CHD1L: variants seen among roughly 807,000 people sequenced by gnomAD.
CHD1L encodes ATP-dependent chromatin remodeler CHD1L.
Under a neutral mutation model 115.9 loss-of-function variants are expected in CHD1L, and 118 were observed. That is an observed-to-expected ratio of 1.02 (90% confidence interval 0.88 to 1.19). CHD1L has a LOEUF of 1.19. Ranked by LOEUF, CHD1L falls within the 50% of genes most tolerant of loss-of-function variation. The pLI, the probability that CHD1L is intolerant of heterozygous loss-of-function variation, is 0.00. For synonymous variants in CHD1L, 411 were observed against 387.1 expected, an observed-to-expected ratio of 1.06 and a Z score of -0.72; for missense variants, 1,179 against 1,065.3, an observed-to-expected ratio of 1.11 and a Z score of -1.49.
At chr1:147,224,771 A>G in the CHD1L span, 1 of 850,726 alleles carries the variant, frequency 1.2e-6, no homozygotes, top group Non-Finnish European at 1.9e-6. Flanking sequence ...CGGCCTCCCA[A>G]AGTGCTAGGA....
At chr1:147,293,309 T>TC (rs1686280874) in intron 20 of CHD1L, among the ~76,000 whole-genome samples, 1 of 93,140 alleles carries the variant, frequency 1.1e-5, no homozygotes, top group Non-Finnish European at 2.4e-5. Context: ...AGAAAAATTC[T>TC]CTTTTTTTTT....
intron 12 of CHD1L, among the ~76,000 whole-genome samples, chr1:147,272,718 A>T (rs587768953): frequency 3.3e-5 from 5 of 152,328 alleles, no homozygotes; most frequent in African/African-American, 1.2e-4. Context: ...TTGTTAAAAA[A>T]TGTGATTATG....
the CHD1L span, among the ~76,000 whole-genome samples, chr1:147,232,500 C>A: frequency 6.6e-6 from 1 of 151,910 alleles, no homozygotes; most frequent in African/African-American, 2.4e-5. Context: ...TCTCCCTCTC[C>A]CCATGGTCTC....
chr1:147,291,497 G>A lies in CHD1L; in HGVS notation c.2336G>A (p.Gly779Asp), dbSNP rs1553970441. 1.9e-6 allele frequency: 3 copies of A among 1,613,916 alleles called. No homozygotes were observed. The highest frequency in any genetic ancestry group is 2.5e-6 in the Non-Finnish European group (3 of 1,179,864). ...TTTACCTCAGACCTGAGTTTGGGAG[G>A]TGTCCTTTTATTTCCTGTTGATGAT... ...AGKMKDLSLGGVLLFPVDDKE... is the reference protein window; with the variant it reads ...AGKMKDLSLGDVLLFPVDDKE... Residue 779 changes from glycine to aspartate, a missense_variant, in exon 20 of 23, where the codon GGT (glycine) becomes GAT (aspartate). Coordinates refer to ENST00000369258, the MANE Select transcript of CHD1L (RefSeq NM_004284.6).
the CHD1L span, chr1:147,213,376 ACATT>A: frequency 1.2e-6 from 2 of 1,613,754 alleles, no homozygotes; most frequent in Non-Finnish European, 1.7e-6. Context: ...TCCATCAAAG[ACATT>A]CATCTCCTTT....
intron 10 of CHD1L, among the ~76,000 whole-genome samples, 159 bp downstream of exon 10, chr1:147,269,037 T>C (rs1227301142): frequency 2.0e-5 from 3 of 152,170 alleles, no homozygotes; most frequent in African/African-American, 7.2e-5. Flanking sequence ...CACCCCATTC[T>C]ATCCCACTCC....
intron 16 of CHD1L, 75 bp downstream of exon 16, chr1:147,284,574 C>T (rs1682311396): frequency 7.6e-7 from 1 of 1,323,922 alleles, no homozygotes; most frequent in Non-Finnish European, 1.0e-6. Flanking sequence ...ATGATGCTGG[C>T]ATCGTTTTGT....
At position 147,285,335 on chromosome 1, in the gene CHD1L, A is replaced by G. The variant is rs1553964663; in HGVS notation, c.1866A>G (p.Pro622=). 6 of 1,612,288 alleles carry G rather than the reference A, an allele frequency of 3.7e-6. No individual in the cohort carries two copies. Among genetic ancestry groups the G allele is most frequent in the Non-Finnish European group, 8.5e-7 (1 of 1,179,476 alleles). The change falls in exon 17 of 23, where the codon CCA becomes CCG. Residue 622 remains proline (P), a synonymous_variant. Coordinates refer to ENST00000369258, the MANE Select transcript of CHD1L (RefSeq NM_004284.6). ...SLRNKGSVLI[P]GLVEGSTKRK... is the part of the protein sequence containing the mutation. ...TGTTCTTCCTCTAGGTTCTCATCCC[A>G]GGCCTTGTGGAGGGATCTACCAAAA...
chr1:147,266,252 T>TA (rs1673875857), intron 8 of CHD1L, among the ~76,000 whole-genome samples, 165 bp downstream of exon 8: 1 of 152,216 alleles, frequency 6.6e-6, no homozygotes, highest in Non-Finnish European at 1.5e-5. Context: ...CAGAGCATCT[T>TA]AAAGATAACA....
rs1680197989 is a variant in CHD1L, at chr1:147,280,026, TTGAG to T, written c.1545_1548del (p.Ser515ArgfsTer21). On this transcript the variant is annotated frameshift_variant and splice_region_variant, in exon 15 of 23. Transcript: ENST00000369258. LOFTEE classifies it high-confidence loss of function. ...GACTTTTTTGTTTCCTCTATTCAAG[TTGAG>T]TGAGATACTCAAATTTGGTTTGGAT... 1 of 1,613,778 alleles carries T rather than the reference TTGAG, an allele frequency of 6.2e-7. No homozygotes were observed. Among genetic ancestry groups the T allele is most frequent in the Non-Finnish European group, 8.5e-7 (1 of 1,179,998 alleles).
Position 147,295,431 on chromosome 1 carries a change from ATAT to A in CHD1L, c.2621_2623del (p.Tyr874del). ...TATCTTCCTTGACCATCCTTATCAG[ATAT>A]TATTTTCCTAGAAGCAAGTCTGCTG... On this transcript the variant is annotated inframe_deletion and splice_region_variant, in exon 23 of 23. Coordinates refer to ENST00000369258, the MANE Select transcript of CHD1L (RefSeq NM_004284.6). 1.9e-6 allele frequency: 3 copies of A among 1,602,186 alleles called. No individual in the cohort carries two copies. Among genetic ancestry groups the A allele is most frequent in the Non-Finnish European group, 2.6e-6 (3 of 1,170,072 alleles).
At chr1:147,290,601 C>T (rs955528191) in intron 19 of CHD1L, among the ~76,000 whole-genome samples, 10 of 152,056 alleles carry the variant, frequency 6.6e-5, no homozygotes, top group East Asian at 3.9e-4. Context: ...TGTTATCAGA[C>T]GTTTATGCAT....
intron 10 of CHD1L, among the ~76,000 whole-genome samples, chr1:147,269,115 G>A (rs1675130038): frequency 6.6e-6 from 1 of 151,934 alleles, no homozygotes; most frequent in South Asian, 2.1e-4. Flanking sequence ...TCCAGCACTT[G>A]GCAATGTGCT....
At chr1:147,190,058 C>T in the CHD1L span, 3 of 636,348 alleles carry the variant, frequency 4.7e-6, no homozygotes, top group Non-Finnish European at 2.6e-6. Flanking sequence ...TTCCTTTTTT[C>T]TTCATAATAG....
the CHD1L span, among the ~76,000 whole-genome samples, chr1:147,205,667 A>G: frequency 6.6e-6 from 1 of 152,234 alleles, no homozygotes; most frequent in East Asian, 1.9e-4. Flanking sequence ...AAATGGGGAA[A>G]GGATTCCCTA....
At chr1:147,187,540 G>A in the CHD1L span, among the ~76,000 whole-genome samples, 16 of 152,118 alleles carry the variant, frequency 1.1e-4, no homozygotes, top group Non-Finnish European at 1.9e-4. Flanking sequence ...GGATGTGAAA[G>A]ATACAGATAA....
chr1:147,253,761 G>T (rs1331347979), intron 2 of CHD1L, among the ~76,000 whole-genome samples: 1 of 152,216 alleles, frequency 6.6e-6, no homozygotes, highest in Admixed American at 6.5e-5. Flanking sequence ...GCCTCCCAAA[G>T]TGCTGGGATT....
At chr1:147,242,439 A>T (rs1378435828), upstream of CHD1L, among the ~76,000 whole-genome samples, 1 of 152,238 alleles carries the variant, frequency 6.6e-6, no homozygotes, top group African/African-American at 2.4e-5. Context: ...AGGCAATCAG[A>T]CGTCCTGTGC....
At chr1:147,263,928 T>C (rs1189910847) in intron 6 of CHD1L, among the ~76,000 whole-genome samples, 2 of 152,204 alleles carry the variant, frequency 1.3e-5, no homozygotes, top group Non-Finnish European at 2.9e-5. Flanking sequence ...ATCTTGCATC[T>C]GATGCACCAT....
Sources: gnomAD v4.1 joint callset for allele counts (sites outside exome capture counted in the v4.1 genomes callset) on GRCh38, gnomAD v4.1.1 for gene constraint, MANE v1.5 for transcripts, NCBI Gene and HGNC (gene_info 2026-07-23, HGNC 2026-07-21) for gene names.